Variants in PGGT1B observed in about 807,000 individuals in gnomAD.
PGGT1B encodes the protein geranylgeranyl transferase type-1 subunit beta.
In PGGT1B, 30 loss-of-function variants were observed where a neutral mutation model predicts 46.1. That is an observed-to-expected ratio of 0.65 (90% CI 0.49 to 0.88). The LOEUF (loss-of-function observed/expected upper bound fraction) is 0.88. Among genes scored for constraint, PGGT1B ranks in the 40% least tolerant of loss-of-function variants. The pLI is 0.00. For synonymous variants in PGGT1B, 170 were observed against 160.0 expected (o/e 1.06, Z -0.47); for missense variants, 376 against 455.9 (o/e 0.82, Z 1.60).
intron 2 of PGGT1B, among the ~76,000 whole-genome samples, chr5:115,251,725 G>C (rs1748109508): frequency 6.6e-6 from 1 of 151,708 alleles, no homozygotes; most frequent in South Asian, 2.1e-4. Flanking sequence ...ATATATTTCG[G>C]CAAGAACTTA....
chr5:115,216,729 T>G, intron 8 of PGGT1B, 136 bp downstream of exon 8: 1 of 661,138 alleles, frequency 1.5e-6, no homozygotes, highest in Non-Finnish European at 2.7e-6. Context: ...GCTTACACAA[T>G]ATACCTTTTA....
intron 6 of PGGT1B, 25 bp downstream of exon 6, chr5:115,230,951 T>C (rs759629842): frequency 6.9e-7 from 1 of 1,447,684 alleles, no homozygotes; most frequent in South Asian, 1.2e-5. Flanking sequence ...AGAAACTACA[T>C]GTTCACTTAT....
At chr5:115,234,220 A>G (rs866718798) in intron 5 of PGGT1B, among the ~76,000 whole-genome samples, 3,193 of 151,892 alleles carry the variant, frequency 0.021, 132 homozygotes, top group African/African-American at 0.073. Flanking sequence ...AACAGCAAAA[A>G]AAAAAAGAAT....
At chr5:115,219,115 T>C (rs1040348683) in intron 7 of PGGT1B, among the ~76,000 whole-genome samples, 2 of 151,894 alleles carry the variant, frequency 1.3e-5, no homozygotes, top group African/African-American at 2.4e-5. Context: ...ACCAGATTCA[T>C]ATCAAATTGC....
intron 6 of PGGT1B, among the ~76,000 whole-genome samples, chr5:115,230,327 G>C (rs780392879): frequency 6.6e-6 from 1 of 152,236 alleles, no homozygotes; most frequent in East Asian, 1.9e-4. Context: ...AATTCACTCA[G>C]AGAGTCTCCA....
chr5:115,234,619 GAAATA>G (rs976417909), intron 5 of PGGT1B, among the ~76,000 whole-genome samples: 2 of 151,972 alleles, frequency 1.3e-5, no homozygotes, highest in African/African-American at 4.8e-5. Context: ...TTAAAGGGGG[GAAATA>G]AAATAAGTAA....
At chr5:115,245,219 T>G (rs989572698) in intron 2 of PGGT1B, among the ~76,000 whole-genome samples, 1 of 152,012 alleles carries the variant, frequency 6.6e-6, no homozygotes, top group African/African-American at 2.4e-5. Context: ...GGCAGACATA[T>G]AGTAGTGGCT....
chr5:115,219,560 A>G (rs1580746528), intron 7 of PGGT1B, among the ~76,000 whole-genome samples: 1 of 151,862 alleles, frequency 6.6e-6, no homozygotes, highest in African/African-American at 2.4e-5. Flanking sequence ...TGGACATGAC[A>G]CCAATAACAC....
At chr5:115,251,639 T>C (rs190519004) in intron 2 of PGGT1B, among the ~76,000 whole-genome samples, 2 of 152,196 alleles carry the variant, frequency 1.3e-5, no homozygotes, top group African/African-American at 2.4e-5. Context: ...GGTCCATCCT[T>C]TTCTATAAAG....
chr5:115,214,763 T>C (rs745939196), intron 8 of PGGT1B, among the ~76,000 whole-genome samples: 3 of 152,224 alleles, frequency 2.0e-5, no homozygotes, highest in Non-Finnish European at 4.4e-5. Context: ...TCAAGTATGT[T>C]TATACAAGAA....
rs113814990 is a variant in PGGT1B at position 115,218,204 on chromosome 5, T to A, written c.844-1231A>T. Among the ~76,000 whole-genome samples the A allele has an allele frequency of 2.6e-3, 400 of 151,750 alleles. 2 individuals are homozygous for A. The highest frequency in any genetic ancestry group is 3.6e-3 in the Non-Finnish European group (242 of 67,742). ...GGGAATCATCAATAATGTCTAAAGG[T>A]GATAAGAAGTCAGTCTGTGATTTAA... is the stretch of plus-strand genomic sequence containing the variant. On this transcript the variant is annotated intron_variant, in intron 7 of 8. Transcript: ENST00000419445.
chr5:115,222,685 T>C (rs1409164266), intron 6 of PGGT1B, among the ~76,000 whole-genome samples: 4 of 152,236 alleles, frequency 2.6e-5, no homozygotes, highest in Middle Eastern at 3.2e-3. Context: ...CATATGTTTA[T>C]TGTGGCACTA....
Position 115,241,568 on chromosome 5 carries a change from A to G in PGGT1B, c.298T>C (p.Tyr100His). ...LNRCGFRGSSYLGIPFNPSKA... is the reference protein window; with the variant it reads ...LNRCGFRGSSHLGIPFNPSKA... ...GATGGATTGAACGGAATACCCAGGT[A>G]TGAAGAGCCTCGGAAACCACAGCGA... Residue 100 changes from tyrosine to histidine, a missense_variant, in exon 3 of 9, where the codon TAC becomes CAC. Around this residue, in one of 2 missense-constraint regions of PGGT1B, gnomAD observed 154 missense variants for 142.3 expected, o/e 1.08. Coordinates refer to ENST00000419445, the MANE Select transcript of PGGT1B (RefSeq NM_005023.4). The G allele has an allele frequency of 6.2e-7, 1 of 1,608,970 alleles. No homozygotes were observed. The highest frequency in any genetic ancestry group is 2.2e-5 in the East Asian group (1 of 44,488).
At chr5:115,248,591 T>C (rs546492064) in intron 2 of PGGT1B, among the ~76,000 whole-genome samples, 2 of 152,222 alleles carry the variant, frequency 1.3e-5, no homozygotes, top group Non-Finnish European at 2.9e-5. Flanking sequence ...CACTTATTAC[T>C]AGGAAACCAC....
chr5:115,220,382 T>C (rs545645465), intron 7 of PGGT1B, among the ~76,000 whole-genome samples: 1 of 151,930 alleles, frequency 6.6e-6, no homozygotes, highest in African/African-American at 2.4e-5. Flanking sequence ...TTCACCTATA[T>C]GAGGTACCTA....
At chr5:115,242,203 T>C (rs941170073) in intron 2 of PGGT1B, among the ~76,000 whole-genome samples, 5 of 152,222 alleles carry the variant, frequency 3.3e-5, no homozygotes, top group African/African-American at 9.6e-5. Flanking sequence ...AGTCTCTCTC[T>C]ACTCAATCAA....
chr5:115,262,500 G>C lies in PGGT1B; in HGVS notation c.140+212C>G, dbSNP rs1224251107. The C allele has an allele frequency of 5.7e-6, 3 of 528,468 alleles. No homozygotes were observed. The Admixed American group carries it at 1.1e-4, about 19-fold the overall frequency. 32.7% of individuals were successfully genotyped at this position (528,468 alleles called of 1,614,324 possible). ...AGGGAAGTGAAAAAGCCGGAAACTG[G>C]AGATGCCACAGCCCTCGACCTACAG... On this transcript the variant is annotated intron_variant, in intron 1 of 8. Transcript: ENST00000419445.
At chr5:115,244,515 A>G (rs1747723219) in intron 2 of PGGT1B, among the ~76,000 whole-genome samples, 1 of 145,936 alleles carries the variant, frequency 6.9e-6, no homozygotes, top group Non-Finnish European at 1.5e-5. Flanking sequence ...CACACCCCCC[A>G]TATTCCAAAT....
intron 2 of PGGT1B, among the ~76,000 whole-genome samples, chr5:115,246,539 G>T (rs1362173445): frequency 6.6e-6 from 1 of 152,042 alleles, no homozygotes; most frequent in African/African-American, 2.4e-5. Context: ...CATACTCTGG[G>T]TACAGTATAA....
Sources: gnomAD v4.1 joint callset for allele counts (sites outside exome capture counted in the v4.1 genomes callset) on GRCh38, gnomAD v4.1.1 for gene constraint, gnomAD v4.1.1 regional missense constraint, MANE v1.5 for transcripts, NCBI Gene and HGNC (gene_info 2026-07-23, HGNC 2026-07-21) for gene names.